Variants in ZAP70 observed in about 807,000 individuals in gnomAD.
The protein encoded by ZAP70 is tyrosine-protein kinase ZAP-70.
A neutral mutation model predicts 65.8 loss-of-function variants in ZAP70; 27 were observed. The ratio of observed to expected loss-of-function variants is 0.41; its 90% CI spans 0.30 to 0.57. The LOEUF is 0.57. ZAP70 is among the 20% of genes least tolerant of loss of function. ZAP70 has a pLI of 0.28. For synonymous variants in ZAP70, 363 were observed against 360.8 expected, an observed-to-expected ratio of 1.01 and a Z score of -0.07; for missense variants, 696 against 870.5, an observed-to-expected ratio of 0.80 and a Z score of 2.52.
At chr2:97,735,584 C>A in intron 10 of ZAP70, 128 bp downstream of exon 10, 1 of 1,112,230 alleles carries the variant, frequency 9.0e-7, no homozygotes, top group Non-Finnish European at 1.3e-6. Context: ...TGGACACACT[C>A]TCAGCCTGCA....
intron 4 of ZAP70, among the ~76,000 whole-genome samples, chr2:97,729,951 G>A (rs937312753): frequency 4.6e-5 from 7 of 152,240 alleles, no homozygotes; most frequent in African/African-American, 1.4e-4. Flanking sequence ...TTACAGCCAA[G>A]TGTGATGGCT....
Position 97,731,619 on chromosome 2 carries a change from A to G in ZAP70, c.564-1264A>G, listed in dbSNP as rs72951160. Among the ~76,000 whole-genome samples, 22,690 of 151,792 alleles carry G rather than the reference A, an allele frequency of 0.15. 2,233 individuals are homozygous for G. Among genetic ancestry groups the G allele is most frequent in the African/African-American group, 0.27 (11,366 of 41,364 alleles). On this transcript the variant is annotated intron_variant, in intron 4 of 13. Transcript: ENST00000264972. This position sits in a 1 kb window ranked among gnomAD's most constrained non-coding sequence, Gnocchi z 4.0. ...GAATGGAGAGGATGGTCACAGCTGCACCTCTCTCCCTCACTCAGGGGACAT... is the reference window on the plus strand; with the variant it reads ...GAATGGAGAGGATGGTCACAGCTGCGCCTCTCTCCCTCACTCAGGGGACAT...
the ZAP70 span, among the ~76,000 whole-genome samples, chr2:97,751,618 T>TA: frequency 6.6e-6 from 1 of 152,184 alleles, no homozygotes; most frequent in African/African-American, 2.4e-5. Context: ...TTAATAACAG[T>TA]ATGTCTTAGT....
At chr2:97,733,671 G>A in intron 8 of ZAP70, 76 bp downstream of exon 8, 5 of 1,587,082 alleles carry the variant, frequency 3.2e-6, no homozygotes, top group Non-Finnish European at 1.7e-6. Context: ...GGGCTGTGGG[G>A]TTTCACGGGG....
the ZAP70 span, among the ~76,000 whole-genome samples, chr2:97,751,778 G>A: frequency 3.9e-3 from 600 of 152,292 alleles, 1 homozygote; most frequent in Non-Finnish European, 6.6e-3. Context: ...GTGAAGGAGA[G>A]CCCCGTGCAG....
intron 2 of ZAP70, among the ~76,000 whole-genome samples, chr2:97,720,939 G>A (rs1559317893): frequency 2.6e-5 from 4 of 152,154 alleles, no homozygotes; most frequent in Non-Finnish European, 1.5e-5. Context: ...CCAGGGCAGA[G>A]GGAGCTTTCA....
chr2:97,722,942 A>C (rs192303396), intron 2 of ZAP70, among the ~76,000 whole-genome samples: 1 of 152,258 alleles, frequency 6.6e-6, no homozygotes, highest in Non-Finnish European at 1.5e-5. Context: ...TTTTTAATTG[A>C]GGGAGGGCAA....
chr2:97,723,798 T>C (rs1019071096), intron 2 of ZAP70, among the ~76,000 whole-genome samples: 27 of 152,220 alleles, frequency 1.8e-4, no homozygotes, highest in African/African-American at 5.8e-4. Flanking sequence ...ATAATGTCTC[T>C]GGAAAGTCAG....
Position 97,732,875 on chromosome 2 carries a change from C to A in ZAP70, c.564-8C>A, listed in dbSNP as rs776979278. ...CTAGGGGTTACATCCCCTCCCTTCC[C>A]CTGCCAGGCTGAGGCCGCGGAAGGA... On this transcript the variant is annotated splice_region_variant and splice_polypyrimidine_tract_variant and intron_variant, in intron 4 of 13. Transcript: ENST00000264972. 4 of 1,613,736 alleles carry A rather than the reference C, an allele frequency of 2.5e-6. No individual in the cohort carries two copies. Among genetic ancestry groups the A allele is most frequent in the African/African-American group, 1.3e-5 (1 of 74,948 alleles).
At chr2:97,739,275 C>A in intron 13 of ZAP70, 100 bp from the exon 14 acceptor site, 2 of 1,553,786 alleles carry the variant, frequency 1.3e-6, no homozygotes, top group African/African-American at 2.7e-5. Flanking sequence ...TTCTGAGCCC[C>A]AAAAGTCTAC....
downstream of ZAP70, among the ~76,000 whole-genome samples, chr2:97,740,326 C>T (rs568821282): frequency 2.4e-4 from 37 of 152,326 alleles, no homozygotes; most frequent in Non-Finnish European, 5.0e-4. Context: ...TACCAAAATG[C>T]AAACATTGTT....
chr2:97,735,595 C>T (rs1421182368), intron 10 of ZAP70, 139 bp downstream of exon 10: 16 of 965,180 alleles, frequency 1.7e-5, no homozygotes, highest in Admixed American at 2.6e-5. Context: ...TCAGCCTGCA[C>T]ACCCACACCC....
At chr2:97,733,794 C>T (rs180992629) in intron 8 of ZAP70, 199 bp downstream of exon 8, 24 of 666,970 alleles carry the variant, frequency 3.6e-5, no homozygotes, top group African/African-American at 5.4e-5. Flanking sequence ...TGTGTACTGA[C>T]GTGCAGGGAG....
At chr2:97,734,265 G>T in intron 8 of ZAP70, 2 of 1,020,062 alleles carry the variant, frequency 2.0e-6, no homozygotes, top group East Asian at 5.7e-5. Flanking sequence ...GCACAGTAAC[G>T]GTGCCACGTG....
At chr2:97,740,852 C>G (rs1238937980), downstream of ZAP70, among the ~76,000 whole-genome samples, 1 of 152,138 alleles carries the variant, frequency 6.6e-6, no homozygotes, top group South Asian at 2.1e-4. Context: ...AACACCAGGT[C>G]GTGGGGGTGA....
At chr2:97,742,081 AAG>A (rs1440230965), downstream of ZAP70, among the ~76,000 whole-genome samples, 1 of 152,110 alleles carries the variant, frequency 6.6e-6, no homozygotes, top group African/African-American at 2.4e-5. Context: ...TCTGGAAACA[AAG>A]AGAGGTTTTG....
At chr2:97,743,100 A>G (rs111875892), downstream of ZAP70, among the ~76,000 whole-genome samples, 1,301 of 152,302 alleles carry the variant, frequency 8.5e-3, 7 homozygotes, top group Non-Finnish European at 0.014. Flanking sequence ...GAAATGGGAA[A>G]GAAAAAAAGG....
Position 97,720,119 on chromosome 2 carries a change from C to T in ZAP70, c.-21-3897C>T, listed in dbSNP as rs74445980. On this transcript the variant is annotated intron_variant, in intron 2 of 13. Coordinates refer to ENST00000264972, the MANE Select transcript of ZAP70 (RefSeq NM_001079.4). The stretch of plus-strand genomic sequence containing the variant: ...GTAAGTTATTCCTAATTTTTGGCAA[C>T]TGTGGCTAGTACGGCTATAAATGTT... Among the ~76,000 whole-genome samples the T allele has an allele frequency of 7.1e-3, 1,084 of 152,308 alleles. 19 individuals carry two copies. The highest frequency in any genetic ancestry group is 0.07 in the East Asian group (364 of 5,190).
At chr2:97,718,716 A>G (rs1677047121) in intron 2 of ZAP70, among the ~76,000 whole-genome samples, 1 of 152,250 alleles carries the variant, frequency 6.6e-6, no homozygotes, top group East Asian at 1.9e-4. Flanking sequence ...CTAGCTACCC[A>G]GGCTGCACCT....
Sources: allele counts gnomAD v4.1 joint callset (sites outside exome capture counted in the v4.1 genomes callset), GRCh38; gene constraint gnomAD v4.1.1; non-coding constraint Gnocchi (gnomAD v3.1); transcripts MANE v1.5; gene names NCBI Gene and HGNC (gene_info 2026-07-23, HGNC 2026-07-21).